WDR59: variants seen among roughly 807,000 people sequenced by gnomAD.
The protein encoded by WDR59 is WD repeat domain 59.
A neutral mutation model predicts 131.2 loss-of-function variants in WDR59; 100 were observed. The ratio of observed to expected loss-of-function variants is 0.76; its 90% CI spans 0.65 to 0.90. WDR59 has a LOEUF of 0.90. WDR59 is among the 40% of genes least tolerant of loss of function. The pLI is 0.00. For synonymous variants in WDR59, 601 were observed against 466.2 expected (o/e 1.29, Z -3.72); for missense variants, 1,203 against 1,262.2 (o/e 0.95, Z 0.71).
At chr16:74,981,085 G>T (rs566162761) in intron 1 of WDR59, among the ~76,000 whole-genome samples, 3 of 151,920 alleles carry the variant, frequency 2.0e-5, no homozygotes, top group Admixed American at 1.3e-4. Flanking sequence ...ACACAAAAAG[G>T]CCGGGTGCGG....
At chr16:74,942,863 TGGTGCTTTCGGAAGCAGAGCAGAGCAC>T (rs1017876953) in intron 6 of WDR59, 37 bp from the exon 7 acceptor site, 1 of 1,595,232 alleles carries the variant, frequency 6.3e-7, no homozygotes, top group African/African-American at 1.3e-5. Context: ...CTGCTGCCCT[TGGTGCTTTCGGAAGCAGAGCAGAGCAC>T]AGCCAGGGGA....
intron 6 of WDR59, among the ~76,000 whole-genome samples, chr16:74,943,235 G>GC (rs1371973779): frequency 1.6e-5 from 2 of 121,438 alleles, no homozygotes; most frequent in African/African-American, 6.9e-5. Context: ...TGTTATGCCT[G>GC]CCCCCTTTTT....
intron 11 of WDR59, among the ~76,000 whole-genome samples, chr16:74,916,806 C>T (rs1444335712): frequency 6.9e-6 from 1 of 144,174 alleles, no homozygotes; most frequent in East Asian, 2.1e-4. Flanking sequence ...TTGCAGTGAG[C>T]AAAGATCACG....
At chr16:74,879,094 T>C (rs1228844657) in intron 25 of WDR59, among the ~76,000 whole-genome samples, 2 of 152,192 alleles carry the variant, frequency 1.3e-5, no homozygotes, top group Non-Finnish European at 2.9e-5. Context: ...TTCTCATGCC[T>C]GTAATCCCAG....
At chr16:74,874,573 T>C (rs1259092567) in intron 25 of WDR59, 129 bp from the exon 26 acceptor site, 1 of 726,232 alleles carries the variant, frequency 1.4e-6, no homozygotes, top group East Asian at 2.7e-5. Context: ...AGACCAGTGG[T>C]TTTCATTTTC....
intron 1 of WDR59, among the ~76,000 whole-genome samples, chr16:74,980,100 C>G (rs1477202688): frequency 6.6e-6 from 1 of 151,690 alleles, no homozygotes; most frequent in Non-Finnish European, 1.5e-5. Flanking sequence ...CACAGGTGAT[C>G]CACCTGCCTC....
intron 20 of WDR59, 81 bp downstream of exon 20, chr16:74,892,403 T>C: frequency 8.5e-7 from 1 of 1,174,848 alleles, no homozygotes; most frequent in Non-Finnish European, 1.3e-6. Flanking sequence ...TTTGAAAATG[T>C]CATTAAATGC....
chr16:74,963,589 G>C (rs1391828243), intron 2 of WDR59, among the ~76,000 whole-genome samples: 3 of 151,044 alleles, frequency 2.0e-5, no homozygotes, highest in Admixed American at 6.7e-5. Context: ...GGACTTGTTG[G>C]GGGGCCAGGG....
At chr16:74,918,492 G>A (rs952806962) in intron 10 of WDR59, among the ~76,000 whole-genome samples, 1 of 151,990 alleles carries the variant, frequency 6.6e-6, no homozygotes, top group African/African-American at 2.4e-5. Flanking sequence ...TATTTCAAAT[G>A]CATCATGGCA....
chr16:74,927,970 C>G (rs77726355), intron 8 of WDR59, among the ~76,000 whole-genome samples: 1 of 139,376 alleles, frequency 7.2e-6, no homozygotes, highest in African/African-American at 2.8e-5. Flanking sequence ...TGCAGTAGCG[C>G]GATCTCGGCT....
At chr16:74,937,859 C>T (rs540517072) in intron 8 of WDR59, among the ~76,000 whole-genome samples, 4 of 152,280 alleles carry the variant, frequency 2.6e-5, no homozygotes, top group African/African-American at 7.2e-5. Context: ...AAGGGAAAGA[C>T]GAAAACCTTC....
At chr16:74,918,413 C>T (rs1966495337) in intron 10 of WDR59, among the ~76,000 whole-genome samples, 1 of 152,202 alleles carries the variant, frequency 6.6e-6, no homozygotes, top group Non-Finnish European at 1.5e-5. Context: ...AAACTTTCAC[C>T]TCTGCAAATG....
At chr16:74,959,644 T>C (rs2033468644) in intron 2 of WDR59, 1 of 412,644 alleles carries the variant, frequency 2.4e-6, no homozygotes, top group Admixed American at 2.8e-5. Flanking sequence ...TAGCCAGGTG[T>C]GGTGACATGT....
chr16:74,932,916 T>G (rs888060294), intron 8 of WDR59, among the ~76,000 whole-genome samples: 1 of 152,206 alleles, frequency 6.6e-6, no homozygotes, highest in Non-Finnish European at 1.5e-5. Flanking sequence ...TGTAAGAGGA[T>G]GTGTTTGCAA....
chr16:74,914,026 G>A (rs1597703405), intron 13 of WDR59, among the ~76,000 whole-genome samples: 1 of 152,252 alleles, frequency 6.6e-6, no homozygotes, highest in South Asian at 2.1e-4. Flanking sequence ...GGCCAACATG[G>A]CAAAAACCCC....
chr16:74,875,922 G>A (rs746179269), intron 25 of WDR59, among the ~76,000 whole-genome samples: 1 of 152,108 alleles, frequency 6.6e-6, no homozygotes, highest in Non-Finnish European at 1.5e-5. Flanking sequence ...CGGAGCCTGT[G>A]TTTCCCTTCT....
At chr16:74,962,548 T>C (rs2033606736) in intron 2 of WDR59, among the ~76,000 whole-genome samples, 1 of 152,094 alleles carries the variant, frequency 6.6e-6, no homozygotes, top group African/African-American at 2.4e-5. Context: ...TTTGTAACAA[T>C]TGCGAATGGG....
chr16:74,927,244 T>C (rs1030988626), intron 8 of WDR59, among the ~76,000 whole-genome samples: 1 of 152,192 alleles, frequency 6.6e-6, no homozygotes, highest in Non-Finnish European at 1.5e-5. Context: ...TTTGATTCAC[T>C]ATGAAGACTA....
At chr16:74,925,091 G>A (rs561699340) in intron 8 of WDR59, among the ~76,000 whole-genome samples, 218 of 152,174 alleles carry the variant, frequency 1.4e-3, no homozygotes, top group African/African-American at 5.1e-3. Context: ...TGGTCCAAAT[G>A]TCCTTAAATG....
Sources: gnomAD v4.1 joint callset for allele counts (sites outside exome capture counted in the v4.1 genomes callset) on GRCh38, gnomAD v4.1.1 for gene constraint, MANE v1.5 for transcripts, NCBI Gene and HGNC (gene_info 2026-07-23, HGNC 2026-07-21) for gene names.